GLIS3: variants seen among roughly 807,000 people sequenced by gnomAD.
GLIS3 encodes zinc finger protein GLIS3.
Under a neutral mutation model 78.6 loss-of-function variants are expected in GLIS3, and 53 were observed. The ratio of observed to expected loss-of-function variants is 0.67; its 90% CI spans 0.54 to 0.85. GLIS3 has a LOEUF of 0.85. Ranked by LOEUF, GLIS3 falls within the 40% of genes least tolerant of loss-of-function variation. GLIS3 has a pLI of 0.00. For synonymous variants in GLIS3, 684 were observed against 509.9 expected (o/e 1.34, Z -4.60); for missense variants, 1,703 against 1,231.1 (o/e 1.38, Z -5.74).
Position 4,085,699 on chromosome 9 carries a change from G to A in GLIS3, c.1710+32069C>T, listed in dbSNP as rs1044919745. On this transcript the variant is annotated intron_variant, in intron 4 of 10. Transcript: ENST00000381971. ...GCGGATTTCTCATGAATGGTTTAGC[G>A]CTATCCCCTCGGTGCTGTCCTCGCA... Among the ~76,000 whole-genome samples, 10 of 152,252 alleles carry A rather than the reference G, an allele frequency of 6.6e-5. No individual in the cohort carries two copies. In the South Asian group the frequency reaches 8.3e-4, roughly 13 times the overall value.
At chr9:4,047,926 T>C (rs1040058664) in intron 4 of GLIS3, among the ~76,000 whole-genome samples, 1 of 152,204 alleles carries the variant, frequency 6.6e-6, no homozygotes, top group Non-Finnish European at 1.5e-5. Context: ...AGCAGAAATC[T>C]ACTTCACCAG....
intron 1 of GLIS3, among the ~76,000 whole-genome samples, chr9:4,347,523 G>C (rs1817911347): frequency 1.3e-5 from 2 of 152,198 alleles, no homozygotes; most frequent in Admixed American, 6.5e-5. Flanking sequence ...AAGTGAATCA[G>C]AAGACCTGGA....
chr9:4,054,537 G>T (rs912398716), intron 4 of GLIS3: 16 of 974,904 alleles, frequency 1.6e-5, no homozygotes, highest in Middle Eastern at 5.2e-4. Flanking sequence ...GGCAAACACA[G>T]ATCTGATCAG....
chr9:3,828,558 C>T, intron 10 of GLIS3, 150 bp from the exon 11 acceptor site: 1 of 970,346 alleles, frequency 1.0e-6, no homozygotes, highest in South Asian at 1.4e-5. Flanking sequence ...GTCTCTGTTT[C>T]CAGCGACCTT....
At chr9:4,165,936 T>A (rs1360723987) in intron 2 of GLIS3, among the ~76,000 whole-genome samples, 2 of 152,188 alleles carry the variant, frequency 1.3e-5, no homozygotes, top group Non-Finnish European at 2.9e-5. Flanking sequence ...GAGAAAGTAC[T>A]ACTGTGCTTG....
the GLIS3 span, among the ~76,000 whole-genome samples, chr9:4,467,621 C>T: frequency 2.0e-4 from 30 of 152,208 alleles, no homozygotes; most frequent in Admixed American, 5.9e-4. Context: ...ACACCAAAAC[C>T]CCATCTGTAC....
intron 6 of GLIS3, among the ~76,000 whole-genome samples, chr9:3,911,683 G>C (rs559547694): frequency 2.0e-5 from 3 of 152,260 alleles, no homozygotes; most frequent in Non-Finnish European, 4.4e-5. Context: ...TGAGAAAGTT[G>C]TTTAACATTT....
At chr9:4,010,539 C>G (rs1341052591) in intron 4 of GLIS3, among the ~76,000 whole-genome samples, 1 of 152,068 alleles carries the variant, frequency 6.6e-6, no homozygotes, top group African/African-American at 2.4e-5. Context: ...GAAGAAGAAG[C>G]CACAATTCCT....
At chr9:4,201,946 G>T (rs553935830) in intron 2 of GLIS3, among the ~76,000 whole-genome samples, 4 of 152,006 alleles carry the variant, frequency 2.6e-5, no homozygotes, top group African/African-American at 7.2e-5. Flanking sequence ...GACCAGCCTG[G>T]CCAGTGTATA....
At chr9:4,432,447 A>T in the GLIS3 span, among the ~76,000 whole-genome samples, 1 of 152,128 alleles carries the variant, frequency 6.6e-6, no homozygotes, top group Non-Finnish European at 1.5e-5. Context: ...GCCATAACAC[A>T]GCTAGGTGGA....
chr9:4,261,017 T>A (rs934427297), intron 2 of GLIS3, among the ~76,000 whole-genome samples: 18 of 152,212 alleles, frequency 1.2e-4, no homozygotes, highest in African/African-American at 4.3e-4. Flanking sequence ...TTTCTACAGG[T>A]CAACACTGCT....
intron 4 of GLIS3, among the ~76,000 whole-genome samples, chr9:4,091,841 CAGTA>C (rs1166985463): frequency 6.6e-6 from 1 of 152,088 alleles, no homozygotes; most frequent in Admixed American, 6.5e-5. Flanking sequence ...CAGAATAATA[CAGTA>C]AGTATCTGTG....
intron 2 of GLIS3, among the ~76,000 whole-genome samples, chr9:4,344,596 A>T (rs965757290): frequency 6.6e-6 from 1 of 152,158 alleles, no homozygotes; most frequent in African/African-American, 2.4e-5. Flanking sequence ...TTTAAATATC[A>T]TCTATGCTAA....
chr9:4,452,660 A>G, the GLIS3 span, among the ~76,000 whole-genome samples: 1 of 152,238 alleles, frequency 6.6e-6, no homozygotes, highest in Non-Finnish European at 1.5e-5. Flanking sequence ...CTGCTCAAGG[A>G]AATAAGAGAG....
intron 4 of GLIS3, among the ~76,000 whole-genome samples, chr9:3,998,629 G>C (rs1321491987): frequency 2.0e-5 from 3 of 151,540 alleles, no homozygotes; most frequent in Non-Finnish European, 4.4e-5. Flanking sequence ...CTTAAAAATA[G>C]TGTGAATTAA....
At chr9:4,403,874 T>A in the GLIS3 span, among the ~76,000 whole-genome samples, 2 of 152,072 alleles carry the variant, frequency 1.3e-5, no homozygotes, top group Admixed American at 6.5e-5. Flanking sequence ...TCCCTACTTA[T>A]CAATAATAAT....
the GLIS3 span, among the ~76,000 whole-genome samples, chr9:4,401,341 CCT>C: frequency 6.6e-6 from 1 of 151,960 alleles, no homozygotes; most frequent in African/African-American, 2.4e-5. Flanking sequence ...CTCACAGCAA[CCT>C]CTGTCTCCCA....
upstream of GLIS3, among the ~76,000 whole-genome samples, chr9:4,300,141 G>C (rs1242430591): frequency 6.6e-6 from 1 of 151,734 alleles, no homozygotes; most frequent in African/African-American, 2.4e-5. Flanking sequence ...GGAAGAGTGG[G>C]GGCGGGCTCG....
At chr9:4,108,638 T>G (rs1175149541) in intron 4 of GLIS3, among the ~76,000 whole-genome samples, 1 of 152,132 alleles carries the variant, frequency 6.6e-6, no homozygotes, top group African/African-American at 2.4e-5. Context: ...GAGTCAGCAG[T>G]GACAATATAT....
Sources: gnomAD v4.1 joint callset for allele counts (sites outside exome capture counted in the v4.1 genomes callset) on GRCh38, gnomAD v4.1.1 for gene constraint, MANE v1.5 for transcripts, NCBI Gene and HGNC (gene_info 2026-07-23, HGNC 2026-07-21) for gene names.